The following WWOX variants were observed in gnomAD, a reference collection of about 807,000 sequenced individuals.
The protein encoded by WWOX is WW domain containing oxidoreductase.
A neutral mutation model predicts 46.2 loss-of-function variants in WWOX; 69 were observed. That is an observed-to-expected ratio of 1.49 (90% CI 1.23 to 1.82). The LOEUF (loss-of-function observed/expected upper bound fraction) is 1.82. Among genes scored for constraint, WWOX ranks in the 40% most tolerant of loss-of-function variants. The probability of loss-of-function intolerance (pLI) is 0.00; values close to 1 mark genes in which losing one functional copy is unlikely to be tolerated. For synonymous variants in WWOX, 359 were observed against 202.6 expected (o/e 1.77, Z -6.56); for missense variants, 919 against 542.6 (o/e 1.69, Z -6.89).
intron 5 of WWOX, among the ~76,000 whole-genome samples, chr16:78,260,172 C>T (rs1172622955): frequency 6.6e-6 from 1 of 151,384 alleles, no homozygotes; most frequent in East Asian, 1.9e-4. Flanking sequence ...CAGGTGACAC[C>T]TCCTGGTGTG....
At chr16:78,440,529 G>C (rs1291859974) in intron 8 of WWOX, among the ~76,000 whole-genome samples, 1 of 151,996 alleles carries the variant, frequency 6.6e-6, no homozygotes, top group Non-Finnish European at 1.5e-5. Context: ...CTCCTTATGT[G>C]TTGAATGAGT....
chr16:78,509,924 T>TAAAA (rs59162697), intron 8 of WWOX, among the ~76,000 whole-genome samples: 3 of 142,622 alleles, frequency 2.1e-5, no homozygotes, highest in Admixed American at 7.0e-5. Flanking sequence ...CTCATCTCTT[T>TAAAA]AAAAAAAAAA....
intron 4 of WWOX, among the ~76,000 whole-genome samples, chr16:78,163,151 T>A (rs1420611355): frequency 1.3e-5 from 2 of 152,186 alleles, no homozygotes; most frequent in African/African-American, 2.4e-5. Context: ...CTATTTTGTT[T>A]GAATGTCTGA....
chr16:78,599,449 G>T (rs1490697200), intron 8 of WWOX, among the ~76,000 whole-genome samples: 2 of 152,200 alleles, frequency 1.3e-5, no homozygotes, highest in Non-Finnish European at 2.9e-5. Flanking sequence ...TGGGGAATTG[G>T]CCTGTCAGTT....
At chr16:78,497,265 T>G (rs1458718942) in intron 8 of WWOX, among the ~76,000 whole-genome samples, 1 of 152,232 alleles carries the variant, frequency 6.6e-6, no homozygotes, top group Non-Finnish European at 1.5e-5. Context: ...TTTCCTCCAA[T>G]TTTATTCAGA....
At chr16:79,135,013 T>C (rs183158042) in intron 8 of WWOX, among the ~76,000 whole-genome samples, 22 of 152,354 alleles carry the variant, frequency 1.4e-4, no homozygotes, top group African/African-American at 5.1e-4. Context: ...TGAGGGCTTA[T>C]GCTGTTCATT....
At chr16:78,507,831 C>T (rs2085251895) in intron 8 of WWOX, among the ~76,000 whole-genome samples, 1 of 152,146 alleles carries the variant, frequency 6.6e-6, no homozygotes, top group Admixed American at 6.5e-5. Flanking sequence ...GAATTCGCAC[C>T]TGTTCAGACA....
chr16:78,763,982 G>C (rs2049862589), intron 8 of WWOX, among the ~76,000 whole-genome samples: 1 of 152,144 alleles, frequency 6.6e-6, no homozygotes, highest in Non-Finnish European at 1.5e-5. Context: ...TCTATTGTGG[G>C]CTGGGATACA....
rs74441903 is a variant in WWOX at position 78,912,346 on chromosome 16, G to A, written c.1057-299262G>A. Among the ~76,000 whole-genome samples, 563 of 152,020 alleles carry A rather than the reference G, an allele frequency of 3.7e-3. 9 individuals are homozygous for A. Among genetic ancestry groups the A allele is most frequent in the South Asian group, 0.01 (50 of 4,820 alleles). On this transcript the variant is annotated intron_variant, in intron 8 of 8. Transcript: ENST00000566780. ...TATTTTATTTCATCCTTCCAGCTCT[G>A]GGAGGTGATGACTGTCATCTGCATT...
chr16:78,990,659 A>G (rs983249558), intron 8 of WWOX, among the ~76,000 whole-genome samples: 9 of 152,134 alleles, frequency 5.9e-5, no homozygotes, highest in African/African-American at 2.2e-4. Context: ...AAGAAAAAGG[A>G]GGAAGGAAAA....
At chr16:78,406,341 TA>T (rs1567553443) in intron 6 of WWOX, among the ~76,000 whole-genome samples, 19 of 106,516 alleles carry the variant, frequency 1.8e-4, no homozygotes, top group African/African-American at 9.7e-4. Context: ...TATATATATA[TA>T]TATATATATA....
chr16:78,362,938 G>A (rs2081442739), intron 5 of WWOX, among the ~76,000 whole-genome samples: 4 of 152,140 alleles, frequency 2.6e-5, no homozygotes, highest in Admixed American at 2.6e-4. Flanking sequence ...TGGTTGCATG[G>A]GACAGTGTCC....
intron 5 of WWOX, among the ~76,000 whole-genome samples, chr16:78,372,151 A>G (rs1307406987): frequency 6.6e-6 from 1 of 152,218 alleles, no homozygotes; most frequent in Non-Finnish European, 1.5e-5. Context: ...AACAGCTGGT[A>G]GTCTCCATTA....
rs548632617 is a variant in WWOX, at chr16:78,531,731, G to A, written c.1056+98979G>A. Among the ~76,000 whole-genome samples, 155 of 152,166 alleles carry A rather than the reference G, an allele frequency of 1.0e-3. 2 individuals are homozygous for A. The highest frequency in any genetic ancestry group is 3.6e-3 in the African/African-American group (149 of 41,528). ...TTGGGATTCGGTTTAGGTGATGTGT[G>A]TCTGTAATCCCAGCTACTTGGGAGG... On this transcript the variant is annotated intron_variant, in intron 8 of 8. Coordinates refer to ENST00000566780, the MANE Select transcript of WWOX (RefSeq NM_016373.4).
At chr16:79,154,649 T>C (rs572292189) in intron 8 of WWOX, among the ~76,000 whole-genome samples, 15 of 152,310 alleles carry the variant, frequency 9.8e-5, no homozygotes, top group African/African-American at 3.4e-4. Flanking sequence ...ATACAACCCT[T>C]ATGCTGATGG....
intron 5 of WWOX, among the ~76,000 whole-genome samples, chr16:78,370,521 AT>A (rs1355868569): frequency 3.0e-4 from 46 of 151,948 alleles, no homozygotes; most frequent in Non-Finnish European, 1.5e-5. Flanking sequence ...TTTTTATGTC[AT>A]TTTAAATGTT....
chr16:78,947,957 C>T (rs938001327), intron 8 of WWOX, among the ~76,000 whole-genome samples: 1 of 152,018 alleles, frequency 6.6e-6, no homozygotes, highest in Non-Finnish European at 1.5e-5. Flanking sequence ...ATCATTATTT[C>T]TTAGATGTGA....
rs114232086 is a variant in WWOX at position 78,360,389 on chromosome 16, C to T, written c.517-26471C>T. On this transcript the variant is annotated intron_variant, in intron 5 of 8. Coordinates refer to ENST00000566780, the MANE Select transcript of WWOX (RefSeq NM_016373.4). ...TCCCTTGAGGCCAGGAGTTCAAGAC[C>T]AGCCTGGTCAAATAGTGAAATCCTG... Among the ~76,000 whole-genome samples, 698 of 152,086 alleles carry T rather than the reference C, an allele frequency of 4.6e-3. 7 individuals carry two copies. Among genetic ancestry groups the T allele is most frequent in the African/African-American group, 0.016 (664 of 41,484 alleles).
intron 8 of WWOX, among the ~76,000 whole-genome samples, chr16:78,828,897 T>C (rs1332374939): frequency 1.3e-5 from 2 of 152,218 alleles, no homozygotes; most frequent in East Asian, 1.9e-4. Context: ...AAAATGTAGA[T>C]GTAGTTTTCC....
Sources: allele counts gnomAD v4.1 joint callset (sites outside exome capture counted in the v4.1 genomes callset), GRCh38; gene constraint gnomAD v4.1.1; transcripts MANE v1.5; gene names NCBI Gene and HGNC (gene_info 2026-07-23, HGNC 2026-07-21).